Variants in TENT2 observed in about 807,000 individuals in gnomAD.
The protein encoded by TENT2 is poly(A) RNA polymerase GLD2.
In TENT2, 44 loss-of-function variants were observed where a neutral mutation model predicts 72.2. The ratio of observed to expected loss-of-function variants is 0.61; its 90% CI spans 0.48 to 0.78. The LOEUF (loss-of-function observed/expected upper bound fraction) is 0.78, where lower values mean the gene tolerates loss of function less well. TENT2 is among the 30% of genes least tolerant of loss of function. TENT2 has a pLI of 0.00. For missense variants in TENT2, 541 were observed against 569.6 expected, an observed-to-expected ratio of 0.95 and a Z score of 0.51; for synonymous variants, 212 against 192.5, an observed-to-expected ratio of 1.10 and a Z score of -0.84.
rs1004739806 is a variant in TENT2, at chr5:79,686,391, A to C, written c.*1118A>C. Reference sequence around the variant, plus strand: ...TTTTGATTTATGTAAATATTTGTAAATTGGTCAGTGCCTGTAAATTTAAAT... The same window carrying C: ...TTTTGATTTATGTAAATATTTGTAACTTGGTCAGTGCCTGTAAATTTAAAT... On this transcript the variant is annotated 3_prime_UTR_variant, in exon 15 of 15. Coordinates refer to ENST00000453514, the MANE Select transcript of TENT2 (RefSeq NM_001114394.3). 6.6e-6 allele frequency: 1 copy of C among 152,152 alleles called. No individual in the cohort carries two copies. The highest frequency in any genetic ancestry group is 2.4e-5 in the African/African-American group (1 of 41,452). 9.4% of individuals were successfully genotyped at this position (152,152 alleles called of 1,614,324 possible).
intron 1 of TENT2, among the ~76,000 whole-genome samples, chr5:79,614,454 C>T (rs1389016572): frequency 6.6e-6 from 1 of 152,108 alleles, no homozygotes; most frequent in African/African-American, 2.4e-5. Flanking sequence ...GTGTAATTTC[C>T]CATTGGGTCC....
intron 12 of TENT2, among the ~76,000 whole-genome samples, chr5:79,675,830 G>A (rs774780314): frequency 2.0e-5 from 3 of 152,080 alleles, no homozygotes; most frequent in African/African-American, 7.2e-5. Context: ...ATGTTAGCCT[G>A]GAACTTACTA....
chr5:79,659,156 T>A (rs1379361364), intron 11 of TENT2, among the ~76,000 whole-genome samples: 1 of 152,028 alleles, frequency 6.6e-6, no homozygotes, highest in Non-Finnish European at 1.5e-5. Flanking sequence ...ATTTTTTGTT[T>A]TATATGAAAC....
intron 13 of TENT2, chr5:79,681,760 G>T: frequency 2.6e-6 from 1 of 381,568 alleles, no homozygotes; most frequent in Admixed American, 4.2e-5. Flanking sequence ...TTTCATTTTT[G>T]ATCACCCTCT....
At chr5:79,683,781 G>A in intron 14 of TENT2, among the ~76,000 whole-genome samples, 1 of 150,166 alleles carries the variant, frequency 6.7e-6, no homozygotes, top group East Asian at 2.0e-4. Context: ...TTAGCCGGGT[G>A]TAGTGGCGGG....
intron 3 of TENT2, among the ~76,000 whole-genome samples, chr5:79,622,311 CCTT>C (rs1224831569): frequency 6.6e-6 from 1 of 151,854 alleles, no homozygotes; most frequent in African/African-American, 2.4e-5. Flanking sequence ...AAAAAAAAAA[CCTT>C]CTATGACCCA....
intron 1 of TENT2, chr5:79,615,061 C>G (rs371802999): frequency 5.3e-5 from 8 of 152,232 alleles, no homozygotes; most frequent in African/African-American, 1.9e-4. Flanking sequence ...GCTGACAGAT[C>G]CTTTGTTTTG....
intron 10 of TENT2, among the ~76,000 whole-genome samples, chr5:79,650,181 G>C (rs1313173079): frequency 6.6e-6 from 1 of 151,974 alleles, no homozygotes; most frequent in Non-Finnish European, 1.5e-5. Flanking sequence ...AATAATAGGA[G>C]AAAACATATT....
intron 4 of TENT2, among the ~76,000 whole-genome samples, chr5:79,634,373 G>A (rs1458646307): frequency 6.6e-6 from 1 of 152,032 alleles, no homozygotes; most frequent in African/African-American, 2.4e-5. Context: ...GTCTTGCTCT[G>A]TTGCCCAGGC....
In TENT2 at chr5:79,641,109, C is replaced by T. The variant is rs1366565352; in HGVS notation, c.585C>T (p.Ser195=). The T allele has an allele frequency of 1.3e-6, 2 of 1,568,878 alleles. No individual in the cohort carries two copies. Among genetic ancestry groups the T allele is most frequent in the Non-Finnish European group, 1.7e-6 (2 of 1,166,640 alleles). ...QREIQLLFPQ[S]RLFLVGSSLN... is the part of the protein sequence containing the mutation. The stretch of plus-strand genomic sequence containing the variant: ...TACTTTCTTCTGTTTCTTTAGAAAG[C>T]AGACTTTTTTTGGTTGGGTCCTCTT... Residue 195 remains serine, a synonymous_variant, in exon 6 of 15, where the codon AGC becomes AGT. Coordinates refer to ENST00000453514, the MANE Select transcript of TENT2 (RefSeq NM_001114394.3).
intron 11 of TENT2, among the ~76,000 whole-genome samples, 194 bp downstream of exon 11, chr5:79,657,195 G>A (rs760586546): frequency 1.3e-5 from 2 of 151,920 alleles, no homozygotes; most frequent in African/African-American, 4.8e-5. Flanking sequence ...TTTGTTATTG[G>A]CAGACAGTCT....
At chr5:79,667,875 G>A (rs186649556) in intron 11 of TENT2, among the ~76,000 whole-genome samples, 1 of 112,184 alleles carries the variant, frequency 8.9e-6, no homozygotes, top group Admixed American at 8.8e-5. Flanking sequence ...ATAAGCCCAG[G>A]ATTGAGGGGT....
At chr5:79,615,225 G>C (rs966174366) in intron 1 of TENT2, 1 of 152,192 alleles carries the variant, frequency 6.6e-6, no homozygotes, top group African/African-American at 2.4e-5. Flanking sequence ...TGAGCCACAA[G>C]TCATCTTTAG....
At chr5:79,634,154 CAAAAA>C (rs542035431) in intron 4 of TENT2, among the ~76,000 whole-genome samples, 1 of 59,138 alleles carries the variant, frequency 1.7e-5, no homozygotes, top group African/African-American at 6.7e-5. Context: ...GACTCCGTCT[CAAAAA>C]AAAAAAAAAA....
chr5:79,614,238 G>C (rs1757678265), intron 1 of TENT2, among the ~76,000 whole-genome samples: 1 of 151,710 alleles, frequency 6.6e-6, no homozygotes, highest in African/African-American at 2.4e-5. Flanking sequence ...GAGTAGCTGG[G>C]ATTACAGGCA....
chr5:79,662,390 T>G (rs889026428), intron 11 of TENT2, among the ~76,000 whole-genome samples: 3 of 152,226 alleles, frequency 2.0e-5, no homozygotes, highest in African/African-American at 7.2e-5. Context: ...GAATGATGAC[T>G]CCTTTCCAGA....
intron 11 of TENT2, among the ~76,000 whole-genome samples, chr5:79,659,463 C>T (rs1405752202): frequency 2.2e-5 from 3 of 134,162 alleles, no homozygotes; most frequent in Admixed American, 8.2e-5. Flanking sequence ...ACCTGGGAGG[C>T]GGAGGTTGCA....
intron 14 of TENT2, among the ~76,000 whole-genome samples, chr5:79,683,319 A>T (rs1002676129): frequency 7.3e-6 from 1 of 136,644 alleles, no homozygotes; most frequent in African/African-American, 3.0e-5. Context: ...ATGCTCACAC[A>T]CACACACACA....
chr5:79,640,110 G>A (rs895832206), intron 4 of TENT2, among the ~76,000 whole-genome samples: 1 of 152,126 alleles, frequency 6.6e-6, no homozygotes, highest in Non-Finnish European at 1.5e-5. Context: ...TGAAAAATTA[G>A]CTGGGTGTGG....
Sources: allele counts gnomAD v4.1 joint callset (sites outside exome capture counted in the v4.1 genomes callset), GRCh38; gene constraint gnomAD v4.1.1; transcripts MANE v1.5; gene names NCBI Gene and HGNC (gene_info 2026-07-23, HGNC 2026-07-21).